Variants in SCN7A observed in about 807,000 individuals in gnomAD.
SCN7A encodes the protein sodium voltage-gated channel alpha subunit 7.
In SCN7A, 138 loss-of-function variants were observed where a neutral mutation model predicts 155.2. That is an observed-to-expected ratio of 0.89 (90% CI 0.77 to 1.02). The LOEUF is 1.02. Among genes scored for constraint, SCN7A ranks in the 50% least tolerant of loss-of-function variants. The probability of loss-of-function intolerance (pLI) is 0.00; values close to 1 mark genes in which losing one functional copy is unlikely to be tolerated. For missense variants in SCN7A, 2,058 were observed against 1,986.6 expected, an observed-to-expected ratio of 1.04 and a Z score of -0.68; for synonymous variants, 693 against 649.0, an observed-to-expected ratio of 1.07 and a Z score of -1.03.
In SCN7A at chr2:166,432,621, A is replaced by G. The variant is rs555327223; in HGVS notation, c.2289T>C (p.Leu763=). 5 of 1,612,640 alleles carry G rather than the reference A, an allele frequency of 3.1e-6. No individual in the cohort carries two copies. In the African/African-American group the frequency reaches 6.7e-5, roughly 22 times the overall value. ...ARIKKGINYV[L]LKILCKTQNV... ...TTTGTGTTTTGCATAGTATTTTAAGAAGCACATAGTTTATTCCTTTTTTAA... is the reference window on the plus strand; with the variant it reads ...TTTGTGTTTTGCATAGTATTTTAAGGAGCACATAGTTTATTCCTTTTTTAA... The change falls in exon 16 of 26, where the codon CTT becomes CTC. Residue 763 remains leucine (L), a synonymous_variant. Coordinates refer to ENST00000643258, the MANE Select transcript of SCN7A (RefSeq NM_002976.4).
chr2:166,475,095 C>T (rs5001293), intron 3 of SCN7A, among the ~76,000 whole-genome samples: 16,611 of 83,912 alleles, frequency 0.2, 1,201 homozygotes, highest in East Asian at 0.28. Flanking sequence ...TATATATACA[C>T]ATATATATGT....
intron 7 of SCN7A, among the ~76,000 whole-genome samples, chr2:166,469,527 G>A (rs1195379227): frequency 6.6e-6 from 1 of 150,598 alleles, no homozygotes; most frequent in Non-Finnish European, 1.5e-5. Context: ...ACTCCATATT[G>A]CTGGTATGTG....
At chr2:166,488,236 A>T (rs930206931) in intron 1 of SCN7A, among the ~76,000 whole-genome samples, 1 of 152,236 alleles carries the variant, frequency 6.6e-6, no homozygotes. Flanking sequence ...CTCACATTCC[A>T]TAATGACTTA....
At chr2:166,479,027 C>T (rs980699936) in intron 2 of SCN7A, among the ~76,000 whole-genome samples, 2 of 152,012 alleles carry the variant, frequency 1.3e-5, no homozygotes, top group African/African-American at 4.8e-5. Flanking sequence ...CATCTAAACA[C>T]TCTTTGTAAT....
chr2:166,408,002 G>T (rs1431732586), intron 25 of SCN7A, among the ~76,000 whole-genome samples: 1 of 151,960 alleles, frequency 6.6e-6, no homozygotes, highest in Non-Finnish European at 1.5e-5. Flanking sequence ...TCAGTTTTCA[G>T]AGGATGATGG....
At chr2:166,475,210 T>A (rs1702771385) in intron 3 of SCN7A, among the ~76,000 whole-genome samples, 1 of 147,118 alleles carries the variant, frequency 6.8e-6, no homozygotes, top group African/African-American at 2.5e-5. Flanking sequence ...AATCTTATTG[T>A]GGGGTATAAA....
chr2:166,478,155 T>C (rs1702842638), intron 2 of SCN7A, among the ~76,000 whole-genome samples: 1 of 151,956 alleles, frequency 6.6e-6, no homozygotes, highest in South Asian at 2.1e-4. Context: ...CTGATTACTT[T>C]TTTCAAATCA....
rs556669979 is a variant in SCN7A, at chr2:166,415,948, G to A, written c.3414+759C>T. ...TCTTGCAGAGAGCCTATAAATGGAC[G>A]TGCAAGTAGGGAAGATATCACTAAA... On this transcript the variant is annotated intron_variant, in intron 21 of 25. Coordinates refer to ENST00000643258, the MANE Select transcript of SCN7A (RefSeq NM_002976.4). Among the ~76,000 whole-genome samples, 8 of 152,202 alleles carry A rather than the reference G, an allele frequency of 5.3e-5. No individual in the cohort carries two copies. The East Asian group carries it at 9.7e-4, about 18-fold the overall frequency.
rs753113870 is a variant in SCN7A at position 166,406,257 on chromosome 2, G to A, written c.4372C>T (p.Pro1458Ser). 2.4e-5 allele frequency: 39 copies of A among 1,612,908 alleles called. No homozygotes were observed. Among genetic ancestry groups the A allele is most frequent in the Non-Finnish European group, 3.2e-5 (38 of 1,179,516 alleles). Residue 1458 changes from proline to serine, a missense_variant, in exon 26 of 26, where the codon CCT becomes TCT. By Grantham distance (74) the Pro-to-Ser change is moderately conservative. Transcript: ENST00000643258. ...CAATCTCCTCTAACTTGAGTCCCAGGGTTAATTTTATCAGGATCACAGTCA... is the reference window on the plus strand; with the variant it reads ...CAATCTCCTCTAACTTGAGTCCCAGAGTTAATTTTATCAGGATCACAGTCA... ...WSDCDPDKIN[P>S]GTQVRGDCGN...
At chr2:166,412,310 G>A (rs1224452991) in intron 23 of SCN7A, among the ~76,000 whole-genome samples, 1 of 151,994 alleles carries the variant, frequency 6.6e-6, no homozygotes, top group Admixed American at 6.6e-5. Flanking sequence ...CACTTGTAAT[G>A]TTTAACTTTT....
chr2:166,444,913 A>C lies in SCN7A; in HGVS notation c.1475T>G (p.Leu492Ter), dbSNP rs2091544. Residue 492 changes from leucine to a stop codon, truncating the protein, a stop_gained, in exon 13 of 26, where the codon TTA (leucine) becomes TGA (stop). Transcript: ENST00000643258. LOFTEE classifies it high-confidence loss of function. ...FLIWNCSPCW[L>*]KLKEFVHRII... ...CCTATGGACAAACTCTTTCAATTTT[A>C]ACCAACAGGGAGAACAATTCCAGAT... 6 of 1,613,444 alleles carry C rather than the reference A, an allele frequency of 3.7e-6. No homozygotes were observed. The highest frequency in any genetic ancestry group is 5.1e-6 in the Non-Finnish European group (6 of 1,179,482).
chr2:166,472,838 G>T (rs532475181), intron 5 of SCN7A, among the ~76,000 whole-genome samples: 69 of 151,922 alleles, frequency 4.5e-4, no homozygotes, highest in African/African-American at 1.5e-3. Flanking sequence ...AGCTATTTGG[G>T]CTCCTTTTTG....
At chr2:166,489,918 C>A (rs1443544595) in intron 1 of SCN7A, among the ~76,000 whole-genome samples, 3 of 152,100 alleles carry the variant, frequency 2.0e-5, no homozygotes, top group Middle Eastern at 3.4e-3. Flanking sequence ...TAAATATGCA[C>A]TGCCATTTTA....
rs1165493064 is a variant in SCN7A at position 166,462,156 on chromosome 2, C to G, written c.1083+233G>C. 3 of 290,606 alleles carry G rather than the reference C, an allele frequency of 1.0e-5. 1 individual carries two copies. The highest frequency in any genetic ancestry group is 1.3e-5 in the Non-Finnish European group (2 of 156,194). The allele number at this position is 290,606 out of a possible 1,614,324, so 18.0% of individuals were successfully genotyped here. On this transcript the variant is annotated intron_variant, in intron 10 of 25. Transcript: ENST00000643258. ...CTCTCTTCTCTCTCTCCTCTCTTCTCTCTCTCTCTCTCTGACCTTGTAGAA... is the reference window on the plus strand; with the variant it reads ...CTCTCTTCTCTCTCTCCTCTCTTCTGTCTCTCTCTCTCTGACCTTGTAGAA...
chr2:166,470,066 T>C (rs1423357450), intron 7 of SCN7A, among the ~76,000 whole-genome samples: 2 of 151,872 alleles, frequency 1.3e-5, no homozygotes, highest in Non-Finnish European at 2.9e-5. Flanking sequence ...TGTGTTTCTG[T>C]TAGAATGTCT....
chr2:166,441,306 G>A (rs1370098366), intron 15 of SCN7A, 90 bp downstream of exon 15: 1 of 881,724 alleles, frequency 1.1e-6, no homozygotes, highest in African/African-American at 1.7e-5. Context: ...CACAGTTACA[G>A]ACCATTAGAT....
chr2:166,450,251 C>T (rs1246643833), intron 11 of SCN7A, among the ~76,000 whole-genome samples: 2 of 152,196 alleles, frequency 1.3e-5, no homozygotes, highest in Non-Finnish European at 2.9e-5. Flanking sequence ...TTTTAAGTGA[C>T]AGCTAAACTT....
At chr2:166,435,916 A>T (rs1035203715) in intron 15 of SCN7A, among the ~76,000 whole-genome samples, 6 of 152,126 alleles carry the variant, frequency 3.9e-5, no homozygotes, top group Admixed American at 1.3e-4. Flanking sequence ...AAATTTGCTA[A>T]CTAAAACTTG....
intron 21 of SCN7A, among the ~76,000 whole-genome samples, chr2:166,415,282 T>C (rs1382068521): frequency 2.7e-5 from 4 of 150,028 alleles, no homozygotes; most frequent in African/African-American, 4.9e-5. Flanking sequence ...TGGAGAGCAG[T>C]GGAATGATCT....
Sources: gnomAD v4.1 joint callset for allele counts (sites outside exome capture counted in the v4.1 genomes callset) on GRCh38, gnomAD v4.1.1 for gene constraint, MANE v1.5 for transcripts, NCBI Gene and HGNC (gene_info 2026-07-23, HGNC 2026-07-21) for gene names.